Variants in FBXO9 observed in about 807,000 individuals in gnomAD.
FBXO9 encodes the protein F-box only protein 9.
FBXO9 carries 43 observed loss-of-function variants against 63.7 expected under a neutral mutation model. The ratio of observed to expected loss-of-function variants is 0.67; its 90% CI spans 0.53 to 0.87. The LOEUF is 0.87. FBXO9 is among the 40% of genes least tolerant of loss of function. The pLI is 0.00. For synonymous variants in FBXO9, 156 were observed against 171.7 expected (o/e 0.91, Z 0.72); for missense variants, 442 against 533.2 (o/e 0.83, Z 1.68).
chr6:53,095,780 A>G, intron 12 of FBXO9, 116 bp downstream of exon 12: 1 of 1,006,754 alleles, frequency 9.9e-7, no homozygotes, highest in South Asian at 1.9e-5. Context: ...TTACAAACTA[A>G]AACCAGTACT....
intron 3 of FBXO9, among the ~76,000 whole-genome samples, chr6:53,075,090 A>T (rs1345262508): frequency 6.6e-6 from 1 of 152,136 alleles, no homozygotes; most frequent in Non-Finnish European, 1.5e-5. Context: ...GATCCAGTTC[A>T]TCCTCATCAG....
At chr6:53,067,943 C>G (rs1245626054) in intron 1 of FBXO9, 1 of 152,138 alleles carries the variant, frequency 6.6e-6, no homozygotes, top group Non-Finnish European at 1.5e-5. Context: ...TTACCATATA[C>G]TAACTGGTTC....
chr6:53,065,894 G>A, intron 1 of FBXO9, 102 bp downstream of exon 1: 1 of 1,226,332 alleles, frequency 8.2e-7, no homozygotes, highest in Non-Finnish European at 1.0e-6. Flanking sequence ...CTCTGGGGAG[G>A]AGTGGGAGCT....
At chr6:53,094,023 C>A in intron 11 of FBXO9, 45 bp downstream of exon 11, 2 of 1,244,946 alleles carry the variant, frequency 1.6e-6, no homozygotes, top group Non-Finnish European at 2.2e-6. Flanking sequence ...TCTTAATAGC[C>A]TATTCATCCA....
In FBXO9 at chr6:53,088,053, C is replaced by A. The variant is rs151325618; in HGVS notation, c.654-4376C>A. 2.6e-3 allele frequency among the ~76,000 whole-genome samples: 399 copies of A among 152,230 alleles called. 11 individuals are homozygous for A. The East Asian group carries it at 0.062, about 24-fold the overall frequency. The stretch of plus-strand genomic sequence containing the variant: ...GGACAAAAATCTACCATACAAGATT[C>A]TTTTTTATACAAAATTATTCTCTTT... On this transcript the variant is annotated intron_variant, in intron 7 of 12. Coordinates refer to ENST00000323557, the MANE Select transcript of FBXO9 (RefSeq NM_033480.3).
In FBXO9 at chr6:53,092,561, T is replaced by C; in HGVS notation, c.772+14T>C. ...TTCGGTTTGATGGTAAGTTGGATTC[T>C]GTAGAACTCAGCAGAAATACTGATC... On this transcript the variant is annotated intron_variant, in intron 8 of 12. Transcript: ENST00000323557. 6.3e-7 allele frequency: 1 copy of C among 1,596,738 alleles called. No individual in the cohort carries two copies. The highest frequency in any genetic ancestry group is 8.6e-7 in the Non-Finnish European group (1 of 1,164,618).
intron 11 of FBXO9, among the ~76,000 whole-genome samples, chr6:53,095,154 C>T (rs1763171383): frequency 6.6e-6 from 1 of 152,164 alleles, no homozygotes. Context: ...GAAGGAAATA[C>T]TAGGCTTAGA....
intron 7 of FBXO9, among the ~76,000 whole-genome samples, chr6:53,089,879 G>T (rs1412657140): frequency 6.6e-6 from 1 of 152,174 alleles, no homozygotes; most frequent in African/African-American, 2.4e-5. Flanking sequence ...CTGGTTCCAA[G>T]AATCTCTGAT....
At chr6:53,096,490 C>T (rs1015012123) in intron 12 of FBXO9, among the ~76,000 whole-genome samples, 1 of 152,198 alleles carries the variant, frequency 6.6e-6, no homozygotes, top group Non-Finnish European at 1.5e-5. Flanking sequence ...CTTTTCCCTG[C>T]TCATTTGGAA....
chr6:53,080,454 A>G (rs1031758821), intron 5 of FBXO9, among the ~76,000 whole-genome samples: 1 of 152,072 alleles, frequency 6.6e-6, no homozygotes, highest in Non-Finnish European at 1.5e-5. Context: ...ACCATTCACT[A>G]CACATTTGTG....
chr6:53,081,855 G>A (rs887403607), intron 6 of FBXO9, among the ~76,000 whole-genome samples: 17 of 152,108 alleles, frequency 1.1e-4, no homozygotes, highest in African/African-American at 4.1e-4. Flanking sequence ...GATCACTTGA[G>A]GCCAGGAGTT....
chr6:53,090,180 G>A (rs1763004727), intron 7 of FBXO9, among the ~76,000 whole-genome samples: 1 of 152,158 alleles, frequency 6.6e-6, no homozygotes, highest in African/African-American at 2.4e-5. Flanking sequence ...CCTTGTAGAA[G>A]TATTTTTTGT....
Position 53,095,453 on chromosome 6 carries a change from T to C in FBXO9, c.1054-60T>C, listed in dbSNP as rs987450747. On this transcript the variant is annotated intron_variant, in intron 11 of 12. Coordinates refer to ENST00000323557, the MANE Select transcript of FBXO9 (RefSeq NM_033480.3). ...TTTAGTGTCACTGTTGCATACTATTTCTGTAAACATAGAAGTGAGGTAAGG... is the reference window on the plus strand; with the variant it reads ...TTTAGTGTCACTGTTGCATACTATTCCTGTAAACATAGAAGTGAGGTAAGG... 6.9e-6 allele frequency: 10 copies of C among 1,455,554 alleles called. No homozygotes were observed. The Admixed American group carries it at 1.5e-4, about 21-fold the overall frequency. 90.2% of individuals were successfully genotyped at this position (1,455,554 alleles called of 1,614,324 possible).
At chr6:53,093,812 A>G in intron 10 of FBXO9, 73 bp from the exon 11 acceptor site, 3 of 1,194,796 alleles carry the variant, frequency 2.5e-6, no homozygotes, top group Non-Finnish European at 3.6e-6. Context: ...ACACTGTTGT[A>G]ATTTGTTACT....
At chr6:53,078,632 T>G (rs527370759) in intron 4 of FBXO9, among the ~76,000 whole-genome samples, 167 bp from the exon 5 acceptor site, 2 of 152,302 alleles carry the variant, frequency 1.3e-5, no homozygotes, top group Non-Finnish European at 2.9e-5. Context: ...TTTCTGAGCA[T>G]TAAGGTTTGG....
intron 4 of FBXO9, 116 bp downstream of exon 4, chr6:53,076,659 T>C: frequency 1.3e-6 from 1 of 742,112 alleles, no homozygotes; most frequent in Non-Finnish European, 2.0e-6. Flanking sequence ...TCTTAATACA[T>C]TCTTCCTTCA....
At position 53,093,918 on chromosome 6, in the gene FBXO9, G is replaced by A; in HGVS notation, c.993G>A (p.Leu331=). ...CAATTCTACTGGGTCACTATCGCTTGTCACAAGACACAGACAATCAGACCA... is the reference window on the plus strand; with the variant it reads ...CAATTCTACTGGGTCACTATCGCTTATCACAAGACACAGACAATCAGACCA... ...TDAILLGHYR[L]SQDTDNQTKV... The change falls in exon 11 of 13, where the codon TTG becomes TTA. Residue 331 remains leucine, a synonymous_variant. Coordinates refer to ENST00000323557, the MANE Select transcript of FBXO9 (RefSeq NM_033480.3). 2 of 1,550,758 alleles carry A rather than the reference G, an allele frequency of 1.3e-6. No homozygotes were observed. Among genetic ancestry groups the A allele is most frequent in the Admixed American group, 2.0e-5 (1 of 51,008 alleles).
intron 7 of FBXO9, among the ~76,000 whole-genome samples, chr6:53,090,388 AAAG>A (rs1244295069): frequency 6.6e-6 from 1 of 152,228 alleles, no homozygotes; most frequent in African/African-American, 2.4e-5. Context: ...AAAATACTAT[AAAG>A]AAGGAATTGG....
intron 3 of FBXO9, among the ~76,000 whole-genome samples, chr6:53,075,998 C>T (rs1028347560): frequency 1.3e-5 from 2 of 152,048 alleles, no homozygotes; most frequent in Admixed American, 6.5e-5. Flanking sequence ...CCGACCTCAG[C>T]CTCCCAAAGT....
Sources: gnomAD v4.1 joint callset for allele counts (sites outside exome capture counted in the v4.1 genomes callset) on GRCh38, gnomAD v4.1.1 for gene constraint, MANE v1.5 for transcripts, NCBI Gene and HGNC (gene_info 2026-07-23, HGNC 2026-07-21) for gene names.